HELZ: variants seen among roughly 807,000 people sequenced by gnomAD.
HELZ encodes the protein ATP-dependent RNA helicase with zinc finger domain.
A neutral mutation model predicts 218.2 loss-of-function variants in HELZ; 23 were observed. The observed-to-expected ratio is 0.11, with a 90% CI of 0.08 to 0.15. The LOEUF (loss-of-function observed/expected upper bound fraction) is 0.15, where lower values mean the gene tolerates loss of function less well. HELZ is among the 10% of genes least tolerant of loss of function. The pLI is 1.00. For missense variants in HELZ, 1,813 were observed against 2,353.7 expected, an observed-to-expected ratio of 0.77 and a Z score of 4.75; for synonymous variants, 814 against 829.4, an observed-to-expected ratio of 0.98 and a Z score of 0.32.
intron 5 of HELZ, among the ~76,000 whole-genome samples, chr17:67,208,107 T>C (rs1302346861): frequency 6.6e-6 from 1 of 152,084 alleles, no homozygotes; most frequent in African/African-American, 2.4e-5. Context: ...TATAACACTC[T>C]CAAAGTGGCA....
At chr17:67,143,807 A>G (rs1014186236) in intron 21 of HELZ, among the ~76,000 whole-genome samples, 3 of 152,234 alleles carry the variant, frequency 2.0e-5, no homozygotes, top group African/African-American at 7.2e-5. Context: ...CAAATGATGT[A>G]CAAAGCACAA....
At chr17:67,083,957 C>T (rs1439913361) in intron 32 of HELZ, among the ~76,000 whole-genome samples, 2 of 152,184 alleles carry the variant, frequency 1.3e-5, no homozygotes, top group African/African-American at 2.4e-5. Flanking sequence ...TAATTGTAAA[C>T]TGATATCCAT....
intron 31 of HELZ, among the ~76,000 whole-genome samples, chr17:67,098,572 T>TA (rs770393293): frequency 0.012 from 1,544 of 123,948 alleles, 22 homozygotes; most frequent in African/African-American, 0.032. Flanking sequence ...CCGTCTCTAC[T>TA]AAAAAAAAAA....
rs1355184700 is a variant in HELZ at position 67,074,045 on chromosome 17, C to G, written c.*4207G>C. The G allele has an allele frequency of 6.6e-6, 1 of 152,144 alleles. No homozygotes were observed. Among genetic ancestry groups the G allele is most frequent in the East Asian group, 1.9e-4 (1 of 5,196 alleles). The allele number at this position is 152,144 out of a possible 1,614,324, so 9.4% of individuals were successfully genotyped here. On this transcript the variant is annotated 3_prime_UTR_variant, in exon 33 of 33. Coordinates refer to ENST00000358691, the MANE Select transcript of HELZ (RefSeq NM_014877.4). ...GTAGATAGAACATTACCTATTCTTTCTAATTTCTAGGCGGTTTGAATGTGG... is the reference window on the plus strand; with the variant it reads ...GTAGATAGAACATTACCTATTCTTTGTAATTTCTAGGCGGTTTGAATGTGG...
chr17:67,122,729 T>C (rs2037653183), intron 26 of HELZ, among the ~76,000 whole-genome samples: 1 of 151,628 alleles, frequency 6.6e-6, no homozygotes, highest in South Asian at 2.1e-4. Context: ...CAAAACAAAA[T>C]AGTACAAAGG....
chr17:67,126,060 G>C (rs1454677452), intron 24 of HELZ, among the ~76,000 whole-genome samples: 2 of 152,208 alleles, frequency 1.3e-5, no homozygotes, highest in Non-Finnish European at 2.9e-5. Context: ...CAACCTGCAT[G>C]ATCTTGGAAG....
chr17:67,211,281 T>C (rs1456807700), intron 5 of HELZ, among the ~76,000 whole-genome samples: 1 of 152,162 alleles, frequency 6.6e-6, no homozygotes, highest in Non-Finnish European at 1.5e-5. Context: ...TAAATTTGAT[T>C]ATGGACTGGA....
intron 2 of HELZ, among the ~76,000 whole-genome samples, chr17:67,242,900 T>C (rs1403121285): frequency 6.6e-6 from 1 of 151,582 alleles, no homozygotes; most frequent in Non-Finnish European, 1.5e-5. Flanking sequence ...CACGAAAAAT[T>C]TGTGAGAGGA....
Position 67,107,192 on chromosome 17 carries a change from A to T in HELZ, c.5218T>A (p.Ser1740Thr). 6.2e-7 allele frequency: 1 copy of T among 1,613,488 alleles called. No individual in the cohort carries two copies. Among genetic ancestry groups the T allele is most frequent in the Non-Finnish European group, 8.5e-7 (1 of 1,179,674 alleles). ...ACCTCTTCTAAGCTAGGGAGCGAAG[A>T]AGAAGATACTGTTCGAGATGACAAT... ...HPLSSRTVSSSSLPSLEEYEP... is the reference protein window; with the variant it reads ...HPLSSRTVSSTSLPSLEEYEP... The change falls in exon 31 of 33, where the codon TCT (serine) becomes ACT (threonine). Residue 1740 changes from serine (S) to threonine (T), a missense_variant. Physicochemically the swap from Ser to Thr is moderately conservative, Grantham distance 58. This residue lies in a region of HELZ where 938 missense variants were observed against 1,027.5 expected (regional missense o/e 0.91). Transcript: ENST00000358691.
chr17:67,163,404 C>T (rs1598349319), intron 15 of HELZ, among the ~76,000 whole-genome samples: 1 of 151,836 alleles, frequency 6.6e-6, no homozygotes, highest in African/African-American at 2.4e-5. Context: ...AACTTAGTAT[C>T]TTTTTCTTTT....
At chr17:67,137,337 T>A (rs917376825) in intron 22 of HELZ, among the ~76,000 whole-genome samples, 4 of 152,214 alleles carry the variant, frequency 2.6e-5, no homozygotes, top group Non-Finnish European at 5.9e-5. Flanking sequence ...CTTTCTAAAA[T>A]GCTCACCTAA....
intron 3 of HELZ, among the ~76,000 whole-genome samples, chr17:67,236,663 TATC>T (rs2041193958): frequency 6.6e-6 from 1 of 152,236 alleles, no homozygotes; most frequent in African/African-American, 2.4e-5. Context: ...AACTATAATG[TATC>T]ATAATTTAAA....
In HELZ at chr17:67,202,953, G is replaced by A. The variant is rs889855713; in HGVS notation, c.372+366C>T. Among the ~76,000 whole-genome samples, 7 of 151,762 alleles carry A rather than the reference G, an allele frequency of 4.6e-5. No homozygotes were observed. In the East Asian group the frequency reaches 5.8e-4, roughly 13 times the overall value. On this transcript the variant is annotated intron_variant, in intron 6 of 32. Coordinates refer to ENST00000358691, the MANE Select transcript of HELZ (RefSeq NM_014877.4). ...AGCCTGGGCAACATAATGAGACCTC[G>A]TCTCTACAAAAAGTCAAAAATTAGC... is the stretch of plus-strand genomic sequence containing the variant.
intron 5 of HELZ, among the ~76,000 whole-genome samples, chr17:67,207,875 G>A (rs1013015305): frequency 2.6e-5 from 4 of 152,128 alleles, no homozygotes; most frequent in African/African-American, 7.2e-5. Flanking sequence ...CAGGCATGGC[G>A]GCGCATACCC....
At chr17:67,244,862 C>T (rs2041433902) in intron 1 of HELZ, 6 of 985,576 alleles carry the variant, frequency 6.1e-6, no homozygotes, top group South Asian at 4.7e-5. Context: ...CCGGGCCAGG[C>T]GTGCAAGGCC....
At chr17:67,187,995 C>T (rs778045439) in intron 12 of HELZ, among the ~76,000 whole-genome samples, 5 of 152,224 alleles carry the variant, frequency 3.3e-5, no homozygotes, top group Middle Eastern at 3.4e-3. Flanking sequence ...TGATATTCTA[C>T]CCAAACTAAT....
intron 32 of HELZ, among the ~76,000 whole-genome samples, chr17:67,079,941 T>A (rs552456308): frequency 1.5e-4 from 23 of 152,362 alleles, no homozygotes; most frequent in South Asian, 1.0e-3. Context: ...TTGTCATATG[T>A]TGCAAATATT....
intron 20 of HELZ, among the ~76,000 whole-genome samples, chr17:67,146,607 C>G (rs2038505300): frequency 6.6e-6 from 1 of 152,178 alleles, no homozygotes; most frequent in African/African-American, 2.4e-5. Flanking sequence ...ATGTACACAA[C>G]TGAAAGACAG....
chr17:67,194,647 T>C (rs1056527113), intron 8 of HELZ, among the ~76,000 whole-genome samples: 18 of 152,172 alleles, frequency 1.2e-4, no homozygotes, highest in Admixed American at 3.3e-4. Context: ...TTTGTTTGGA[T>C]AGGAGTTTCC....
Sources: allele counts gnomAD v4.1 joint callset (sites outside exome capture counted in the v4.1 genomes callset), GRCh38; gene constraint gnomAD v4.1.1; regional missense constraint gnomAD v4.1.1; transcripts MANE v1.5; gene names NCBI Gene and HGNC (gene_info 2026-07-23, HGNC 2026-07-21).